Variants in PAPPA2 observed in about 807,000 individuals in gnomAD.
PAPPA2 encodes the protein pappalysin 2.
A neutral mutation model predicts 176.4 loss-of-function variants in PAPPA2; 86 were observed. The ratio of observed to expected loss-of-function variants is 0.49; its 90% CI spans 0.41 to 0.58. The LOEUF (loss-of-function observed/expected upper bound fraction) is 0.58, where lower values mean the gene tolerates loss of function less well. Ranked by LOEUF, PAPPA2 falls within the 20% of genes least tolerant of loss-of-function variation. The pLI is 0.00. For synonymous variants in PAPPA2, 809 were observed against 852.2 expected (o/e 0.95, Z 0.88); for missense variants, 2,073 against 2,256.9 (o/e 0.92, Z 1.65).
At chr1:176,502,526 C>T (rs931983524) in intron 1 of PAPPA2, among the ~76,000 whole-genome samples, 1 of 152,060 alleles carries the variant, frequency 6.6e-6, no homozygotes, top group South Asian at 2.1e-4. Flanking sequence ...TTAATAGTAT[C>T]CTTACCTGTG....
At chr1:176,491,450 A>G (rs1044303686) in intron 1 of PAPPA2, among the ~76,000 whole-genome samples, 9 of 152,180 alleles carry the variant, frequency 5.9e-5, no homozygotes, top group Non-Finnish European at 1.3e-4. Context: ...ATGAGAAAAA[A>G]CACAGAGTTA....
intron 17 of PAPPA2, among the ~76,000 whole-genome samples, chr1:176,788,975 A>G (rs563844525): frequency 6.6e-6 from 1 of 152,066 alleles, no homozygotes; most frequent in Non-Finnish European, 1.5e-5. Flanking sequence ...AACACTGTTG[A>G]TCCTCAAATC....
intron 12 of PAPPA2, among the ~76,000 whole-genome samples, chr1:176,734,297 A>C (rs944052842): frequency 1.3e-5 from 2 of 151,962 alleles, no homozygotes; most frequent in African/African-American, 4.8e-5. Flanking sequence ...GGACTTGACA[A>C]ATCATACATT....
Position 176,557,255 on chromosome 1 carries a change from C to A in PAPPA2, c.919+14C>A. 1 of 1,553,476 alleles carries A rather than the reference C, an allele frequency of 6.4e-7. No individual in the cohort carries two copies. The highest frequency in any genetic ancestry group is 1.2e-5 in the South Asian group (1 of 85,102). On this transcript the variant is annotated intron_variant, in intron 2 of 22. Coordinates refer to ENST00000367662, the MANE Select transcript of PAPPA2 (RefSeq NM_020318.3). Reference sequence around the variant, plus strand: ...CCATCATCGCAGGTAACACCCTTCTCCTGGGCTTTCTGAAATCCTGAGGGT... The same window carrying A: ...CCATCATCGCAGGTAACACCCTTCTACTGGGCTTTCTGAAATCCTGAGGGT...
intron 3 of PAPPA2, among the ~76,000 whole-genome samples, chr1:176,668,740 A>G (rs1358064897): frequency 1.3e-5 from 2 of 152,180 alleles, no homozygotes; most frequent in African/African-American, 2.4e-5. Flanking sequence ...TCTTCTATCA[A>G]TTCAATTAAT....
chr1:176,481,975 G>A (rs1316641068), intron 1 of PAPPA2, among the ~76,000 whole-genome samples: 1 of 152,084 alleles, frequency 6.6e-6, no homozygotes, highest in African/African-American at 2.4e-5. Flanking sequence ...GCCTCTCAAA[G>A]TGCTGGGATT....
In PAPPA2 at chr1:176,681,278, A is replaced by G. The variant is rs151293260; in HGVS notation, c.2138-8859A>G. Among the ~76,000 whole-genome samples, 104 of 152,188 alleles carry G rather than the reference A, an allele frequency of 6.8e-4. No individual in the cohort carries two copies. The East Asian group carries it at 0.014, about 20-fold the overall frequency. On this transcript the variant is annotated intron_variant, in intron 4 of 22. Coordinates refer to ENST00000367662, the MANE Select transcript of PAPPA2 (RefSeq NM_020318.3). ...TTCTGGCTTGCCTGCCACATTTCCTAATTGTTCTAGAGAATGTCTGTACCA... is the reference window on the plus strand; with the variant it reads ...TTCTGGCTTGCCTGCCACATTTCCTGATTGTTCTAGAGAATGTCTGTACCA...
chr1:176,654,296 A>G (rs933027997), intron 3 of PAPPA2, among the ~76,000 whole-genome samples: 9 of 151,636 alleles, frequency 5.9e-5, no homozygotes, highest in African/African-American at 2.2e-4. Context: ...TCTAAGCAAC[A>G]TTTATTTAAA....
chr1:176,711,994 A>G lies in PAPPA2; in HGVS notation c.3798+13A>G, dbSNP rs1218397155. The G allele has an allele frequency of 6.2e-7, 1 of 1,604,318 alleles. No individual in the cohort carries two copies. The highest frequency in any genetic ancestry group is 8.5e-7 in the Non-Finnish European group (1 of 1,172,294). ...GGTTTGGCTCAAAGTAAGTGGCCCAAATGTTTCTTTTGTGCATGTGAAAGG... is the reference window on the plus strand; with the variant it reads ...GGTTTGGCTCAAAGTAAGTGGCCCAGATGTTTCTTTTGTGCATGTGAAAGG... On this transcript the variant is annotated intron_variant, in intron 12 of 22. Coordinates refer to ENST00000367662, the MANE Select transcript of PAPPA2 (RefSeq NM_020318.3).
chr1:176,653,794 A>G (rs1290371375), intron 3 of PAPPA2, among the ~76,000 whole-genome samples: 1 of 151,544 alleles, frequency 6.6e-6, no homozygotes, highest in Non-Finnish European at 1.5e-5. Context: ...GCATTTGTCA[A>G]AGTTATCAAC....
At chr1:176,510,900 C>A (rs1339062102) in intron 1 of PAPPA2, among the ~76,000 whole-genome samples, 1 of 147,628 alleles carries the variant, frequency 6.8e-6, no homozygotes, top group African/African-American at 2.5e-5. Flanking sequence ...AGAGATAAAA[C>A]CCAATTATAA....
intron 2 of PAPPA2, among the ~76,000 whole-genome samples, chr1:176,560,605 C>G (rs1438644954): frequency 6.6e-6 from 1 of 152,156 alleles, no homozygotes; most frequent in Admixed American, 6.5e-5. Flanking sequence ...TAGGAGTAGA[C>G]TGAGGTCAGG....
intron 10 of PAPPA2, among the ~76,000 whole-genome samples, chr1:176,707,985 G>T (rs965112633): frequency 3.9e-5 from 6 of 152,102 alleles, no homozygotes; most frequent in Admixed American, 3.3e-4. Context: ...ATGTGGTCTG[G>T]CTATGCCGAA....
In PAPPA2 at chr1:176,670,958, C is replaced by T; in HGVS notation, c.1992-12C>T. On this transcript the variant is annotated splice_polypyrimidine_tract_variant and intron_variant, in intron 3 of 22. Transcript: ENST00000367662. ...TTTGCTGTGACATTTTTTCATCTTG[C>T]ATGCTCTCTAGGGCATACATGAGTG... The T allele has an allele frequency of 6.2e-7, 1 of 1,612,646 alleles. No homozygotes were observed. The highest frequency in any genetic ancestry group is 1.7e-4 in the Middle Eastern group (1 of 6,034).
intron 3 of PAPPA2, among the ~76,000 whole-genome samples, chr1:176,670,274 A>G (rs1658913342): frequency 6.6e-6 from 1 of 152,212 alleles, no homozygotes; most frequent in Non-Finnish European, 1.5e-5. Flanking sequence ...AATTCTGTGC[A>G]TCAATGCAAA....
intron 1 of PAPPA2, among the ~76,000 whole-genome samples, chr1:176,480,113 G>A (rs1303520989): frequency 2.6e-5 from 4 of 152,236 alleles, no homozygotes; most frequent in African/African-American, 7.2e-5. Flanking sequence ...CCGGCTGGTG[G>A]GGGAGGGGTC....
intron 12 of PAPPA2, among the ~76,000 whole-genome samples, chr1:176,725,403 C>T (rs761364761): frequency 3.9e-4 from 60 of 152,240 alleles, no homozygotes; most frequent in Non-Finnish European, 4.6e-4. Context: ...ACAACATTCA[C>T]TTTTAATTCT....
chr1:176,477,201 C>T (rs964209205), intron 1 of PAPPA2, among the ~76,000 whole-genome samples: 17 of 152,174 alleles, frequency 1.1e-4, no homozygotes, highest in Admixed American at 3.3e-4. Context: ...ATCATAGTCT[C>T]ATTGCATATC....
At chr1:176,706,299 T>G (rs1265107748) in intron 9 of PAPPA2, 60 bp from the exon 10 acceptor site, 3 of 1,437,846 alleles carry the variant, frequency 2.1e-6, no homozygotes, top group Non-Finnish European at 2.9e-6. Flanking sequence ...TAAATGATGG[T>G]AGCTAAACAA....
Sources: allele counts gnomAD v4.1 joint callset (sites outside exome capture counted in the v4.1 genomes callset), GRCh38; gene constraint gnomAD v4.1.1; transcripts MANE v1.5; gene names NCBI Gene and HGNC (gene_info 2026-07-23, HGNC 2026-07-21).